UBE2G1: variants seen among roughly 807,000 people sequenced by gnomAD.
The protein encoded by UBE2G1 is ubiquitin conjugating enzyme E2 G1.
Under a neutral mutation model 22.7 loss-of-function variants are expected in UBE2G1, and 5 were observed. The observed-to-expected ratio is 0.22, with a 90% CI of 0.12 to 0.46. The LOEUF is 0.46. Among genes scored for constraint, UBE2G1 ranks in the 20% least tolerant of loss-of-function variants. The pLI, the probability that UBE2G1 is intolerant of heterozygous loss-of-function variation, is 0.99. For missense variants in UBE2G1, 88 were observed against 203.9 expected (o/e 0.43, Z 3.46); for synonymous variants, 74 against 67.5 (o/e 1.10, Z -0.47).
In UBE2G1 at chr17:4,299,781, T is replaced by C. The variant is rs150168162; in HGVS notation, c.150-2967A>G. 3.9e-5 allele frequency among the ~76,000 whole-genome samples: 6 copies of C among 152,108 alleles called. No homozygotes were observed. In the East Asian group the frequency reaches 1.2e-3, roughly 29 times the overall value. ...TCTGTGGACCCCTCTTCTTCTATTT[T>C]ACCTGTGGAAATTCTACCTGCCCCT... On this transcript the variant is annotated intron_variant, in intron 2 of 5. Transcript: ENST00000396981.
chr17:4,296,791 T>C lies in UBE2G1; in HGVS notation c.173A>G (p.His58Arg), dbSNP rs759508955. The C allele has an allele frequency of 6.2e-7, 1 of 1,613,980 alleles. No individual in the cohort carries two copies. Among genetic ancestry groups the C allele is most frequent in the Non-Finnish European group, 8.5e-7 (1 of 1,179,914 alleles). Residue 58 changes from histidine to arginine, a missense_variant, in exon 3 of 6, where the codon CAT becomes CGT. This residue lies in a region of UBE2G1 where 50 missense variants were observed against 71.0 expected (regional missense o/e 0.70). Transcript: ENST00000396981. ...TLYEGGVFKA[H>R]LTFPKDYPLR... ...GGGATAATCTTTTGGGAAAGTAAGA[T>C]GAGCCTTAAAAACACCACCTTCACT...
chr17:4,355,029 G>C (rs1011027422), intron 1 of UBE2G1, among the ~76,000 whole-genome samples: 3 of 151,984 alleles, frequency 2.0e-5, no homozygotes. Flanking sequence ...GAAGTGGAGG[G>C]TGCAGCGGGC....
intron 1 of UBE2G1, among the ~76,000 whole-genome samples, chr17:4,359,881 A>C (rs1307314509): frequency 3.3e-5 from 5 of 150,214 alleles, no homozygotes; most frequent in Admixed American, 6.7e-5. Flanking sequence ...ACAAAAAAAA[A>C]CTGCTGATTA....
Position 4,307,122 on chromosome 17 carries a change from T to G in UBE2G1, c.48A>C (p.Glu16Asp), listed in dbSNP as rs763731364. 1.2e-6 allele frequency: 2 copies of G among 1,613,602 alleles called. No individual in the cohort carries two copies. The highest frequency in any genetic ancestry group is 1.7e-6 in the Non-Finnish European group (2 of 1,179,656). ...AGCCTTCCACTGGATTTTTGTTGAG[T>G]TCTGTGGAAAAAGAAAAGTTTAATC... ...SALLLRRQLAELNKNPVEGFS... is the reference protein window; with the variant it reads ...SALLLRRQLADLNKNPVEGFS... The change falls in exon 2 of 6, where the codon GAA (glutamate) becomes GAC (aspartate). Residue 16 changes from glutamate to aspartate, a missense_variant and splice_region_variant. By Grantham distance (45) the Glu-to-Asp change is conservative (BLOSUM62 2). Coordinates refer to ENST00000396981, the MANE Select transcript of UBE2G1 (RefSeq NM_003342.5).
chr17:4,291,843 C>A (rs1173402677), intron 3 of UBE2G1, among the ~76,000 whole-genome samples: 1 of 152,156 alleles, frequency 6.6e-6, no homozygotes, highest in Non-Finnish European at 1.5e-5. Context: ...TTTGGGGTGA[C>A]AACTTTCCAT....
At chr17:4,316,080 A>C (rs2143750938) in intron 1 of UBE2G1, among the ~76,000 whole-genome samples, 1 of 152,046 alleles carries the variant, frequency 6.6e-6, no homozygotes, top group Non-Finnish European at 1.5e-5. Flanking sequence ...TGGGATTACA[A>C]GCGTGAGCCA....
At position 4,270,621 on chromosome 17, in the gene UBE2G1, G is replaced by A. The variant is rs1408831916; in HGVS notation, c.*1933C>T. The A allele has an allele frequency of 6.7e-6, 1 of 148,648 alleles. No homozygotes were observed. Among genetic ancestry groups the A allele is most frequent in the African/African-American group, 2.5e-5 (1 of 40,694 alleles). 9.2% of individuals were successfully genotyped at this position (148,648 alleles called of 1,614,324 possible). On this transcript the variant is annotated 3_prime_UTR_variant, in exon 6 of 6. Transcript: ENST00000396981. ...GAGGGTGTGCAGTGCTGACATTTTG[G>A]GGCAACTATTTTTACAGTCTTTGGA...
At chr17:4,301,604 A>C (rs1969180932) in intron 2 of UBE2G1, 1 of 1,176,884 alleles carries the variant, frequency 8.5e-7, no homozygotes, top group Admixed American at 1.7e-5. Context: ...TAAAAGACCG[A>C]GTATTTGGAA....
intron 2 of UBE2G1, among the ~76,000 whole-genome samples, chr17:4,300,893 G>A (rs1485108548): frequency 1.3e-5 from 2 of 151,420 alleles, no homozygotes; most frequent in African/African-American, 4.9e-5. Flanking sequence ...GAACCCAGGC[G>A]GCGGAGGTTG....
chr17:4,349,699 C>T (rs1272559859), intron 1 of UBE2G1, among the ~76,000 whole-genome samples: 2 of 151,802 alleles, frequency 1.3e-5, no homozygotes, highest in African/African-American at 4.8e-5. Flanking sequence ...AAAAATTAGC[C>T]GGGCGTGGTG....
chr17:4,285,179 G>C (rs1410702607), intron 4 of UBE2G1, among the ~76,000 whole-genome samples: 1 of 151,904 alleles, frequency 6.6e-6, no homozygotes, highest in African/African-American at 2.4e-5. Flanking sequence ...CCCAGGGCTG[G>C]TATCTTTAAA....
At chr17:4,298,402 C>T (rs1476037590) in intron 2 of UBE2G1, among the ~76,000 whole-genome samples, 1 of 152,172 alleles carries the variant, frequency 6.6e-6, no homozygotes, top group Non-Finnish European at 1.5e-5. Context: ...GACATCAATA[C>T]ATAACAATAG....
At position 4,269,351 on chromosome 17, in the gene UBE2G1, C is replaced by A. The variant is rs1567993659; in HGVS notation, c.*3203G>T. On this transcript the variant is annotated 3_prime_UTR_variant, in exon 6 of 6. Transcript: ENST00000396981. ...ACAGTAAACATCACAACAGAACTCA[C>A]ATAGTTAAATACAATCAACAAATTA... The A allele has an allele frequency of 6.6e-6, 1 of 152,404 alleles. No individual in the cohort carries two copies. The highest frequency in any genetic ancestry group is 2.4e-5 in the African/African-American group (1 of 41,410). The allele number at this position is 152,404 out of a possible 1,614,324, so 9.4% of individuals were successfully genotyped here.
chr17:4,301,885 T>C, intron 2 of UBE2G1: 1 of 494,708 alleles, frequency 2.0e-6, no homozygotes, highest in Non-Finnish European at 4.0e-6. Flanking sequence ...ATTCTAAGAT[T>C]GAAGCTTCGT....
At chr17:4,311,837 A>C (rs1431481058) in intron 1 of UBE2G1, among the ~76,000 whole-genome samples, 1 of 152,230 alleles carries the variant, frequency 6.6e-6, no homozygotes, top group Admixed American at 6.5e-5. Flanking sequence ...CAAGGGTAGA[A>C]ATCTGTTCAT....
At chr17:4,308,853 A>G (rs183747150) in intron 1 of UBE2G1, among the ~76,000 whole-genome samples, 44 of 152,350 alleles carry the variant, frequency 2.9e-4, no homozygotes, top group Admixed American at 2.5e-3. Flanking sequence ...GACTGAACCA[A>G]TGTTTAGGTA....
intron 2 of UBE2G1, among the ~76,000 whole-genome samples, chr17:4,300,487 G>A (rs1969164473): frequency 6.6e-6 from 1 of 152,008 alleles, no homozygotes; most frequent in African/African-American, 2.4e-5. Flanking sequence ...AGGTTGCAAT[G>A]AGCCAAGATT....
At chr17:4,365,659 C>T (rs1459880104) in intron 1 of UBE2G1, among the ~76,000 whole-genome samples, 1 of 152,132 alleles carries the variant, frequency 6.6e-6, no homozygotes, top group African/African-American at 2.4e-5. Flanking sequence ...CAGGCGGAGG[C>T]AGGCGAGGCG....
In UBE2G1 at chr17:4,307,139, A is replaced by T. The variant is rs1969257384; in HGVS notation, c.47-16T>A. On this transcript the variant is annotated splice_polypyrimidine_tract_variant and intron_variant, in intron 1 of 5. Coordinates refer to ENST00000396981, the MANE Select transcript of UBE2G1 (RefSeq NM_003342.5). ...TTGTTGAGTTCTGTGGAAAAAGAAA[A>T]GTTTAATCAATACATTTAAGCACAT... 3 of 1,602,042 alleles carry T rather than the reference A, an allele frequency of 1.9e-6. No individual in the cohort carries two copies. The highest frequency in any genetic ancestry group is 1.7e-4 in the Middle Eastern group (1 of 5,958).
Sources: gnomAD v4.1 joint callset for allele counts (sites outside exome capture counted in the v4.1 genomes callset) on GRCh38, gnomAD v4.1.1 for gene constraint, gnomAD v4.1.1 regional missense constraint, MANE v1.5 for transcripts, NCBI Gene and HGNC (gene_info 2026-07-23, HGNC 2026-07-21) for gene names.